GGTLC2: variants seen among roughly 807,000 people sequenced by gnomAD.
GGTLC2 encodes glutathione hydrolase light chain 2.
In GGTLC2, 13 loss-of-function variants were observed where a neutral mutation model predicts 20.2. The observed-to-expected ratio is 0.64, with a 90% CI of 0.42 to 1.02. The LOEUF (loss-of-function observed/expected upper bound fraction) is 1.02. GGTLC2 is among the 50% of genes least tolerant of loss of function. The probability of loss-of-function intolerance (pLI) is 0.00; values close to 1 mark genes in which losing one functional copy is unlikely to be tolerated. For synonymous variants in GGTLC2, 89 were observed against 125.5 expected, an observed-to-expected ratio of 0.71 and a Z score of 1.94; for missense variants, 202 against 301.3, an observed-to-expected ratio of 0.67 and a Z score of 2.44.
Position 22,646,998 on chromosome 22 carries a change from C to T in GGTLC2, c.320C>T (p.Ser107Leu), listed in dbSNP as rs146282307. ...NFIQPGKQPL[S>L]SMCPTIMVGQ... is the part of the protein sequence containing the mutation. ...TCGGCCACAGGGAAGCAGCCGCTCT[C>T]GTCAATGTGCCCGACGATCATGGTG... Residue 107 changes from serine (S) to leucine (L), a missense_variant, in exon 4 of 6, where the codon TCG (serine) becomes TTG (leucine). Ser to Leu is a moderately radical substitution (Grantham distance 145). Around this residue, in one of 4 missense-constraint regions of GGTLC2, gnomAD observed 71 missense variants for 63.0 expected, o/e 1.13. Coordinates refer to ENST00000448514, the MANE Select transcript of GGTLC2 (RefSeq NM_199127.3). 1.5e-4 allele frequency: 243 copies of T among 1,611,648 alleles called. No individual in the cohort carries two copies. Among genetic ancestry groups the T allele is most frequent in the South Asian group, 1.8e-4 (16 of 90,980 alleles).
Position 22,645,990 on chromosome 22 carries a change from G to A in GGTLC2, c.-34-322G>A, listed in dbSNP as rs372662968. On this transcript the variant is annotated intron_variant, in intron 1 of 5. Transcript: ENST00000448514. ...GTGTGTTTGTTTTTCTTGGCATGAG[G>A]GCAGGACCTAAGTGTCTGTTCCCTG... The A allele has an allele frequency of 7.8e-3, 3,401 of 437,812 alleles. 30 individuals are homozygous for A. The highest frequency in any genetic ancestry group is 0.013 in the Admixed American group (326 of 25,092). 27.1% of individuals were successfully genotyped at this position (437,812 alleles called of 1,614,324 possible).
intron 1 of GGTLC2, among the ~76,000 whole-genome samples, chr22:22,645,608 C>A (rs1398913300): frequency 6.6e-6 from 1 of 150,980 alleles, no homozygotes; most frequent in South Asian, 2.1e-4. Context: ...TTATCCTTAT[C>A]CCCGTCATAG....
chr22:22,646,641 C>T (rs1162415295), intron 2 of GGTLC2, 113 bp from the exon 3 acceptor site: 6 of 1,460,568 alleles, frequency 4.1e-6, no homozygotes, highest in Non-Finnish European at 5.6e-6. Context: ...TGAGGCCCAA[C>T]CTTGGTAGCT....
rs1287405545 is a variant in GGTLC2 at position 22,646,198 on chromosome 22, G to C, written c.-34-114G>C. On this transcript the variant is annotated intron_variant, in intron 1 of 5. Coordinates refer to ENST00000448514, the MANE Select transcript of GGTLC2 (RefSeq NM_199127.3). ...CATGCAAGATCCTGGGCCTGCCCTT[G>C]GGTCCTGGGGAGCCACGGAAGGTTG... 3 of 1,376,484 alleles carry C rather than the reference G, an allele frequency of 2.2e-6. No individual in the cohort carries two copies. In the African/African-American group the frequency reaches 4.3e-5, roughly 20 times the overall value. The allele number at this position is 1,376,484 out of a possible 1,614,324, so 85.3% of individuals were successfully genotyped here.
Position 22,646,519 on chromosome 22 carries a change from C to T in GGTLC2, c.174C>T (p.Leu58=). 1.3e-6 allele frequency: 2 copies of T among 1,558,600 alleles called. No individual in the cohort carries two copies. Among genetic ancestry groups the T allele is most frequent in the Non-Finnish European group, 1.7e-6 (2 of 1,153,804 alleles). The stretch of plus-strand genomic sequence containing the variant: ...TGTCCGCCACCAGCACCATCAACCT[C>T]TAGTAGGGGCTGCTGGGCCGCCTGG... The part of the protein sequence containing the change: ...SAVSATSTIN[L]YFGSKVRSPV... Residue 58 remains leucine (L), a splice_region_variant and synonymous_variant, in exon 2 of 6, where the codon CTC becomes CTT. Coordinates refer to ENST00000448514, the MANE Select transcript of GGTLC2 (RefSeq NM_199127.3).
rs1170691647 is a variant in GGTLC2 at position 22,647,787 on chromosome 22, C to T, written c.*46C>T. 4.0e-5 allele frequency: 64 copies of T among 1,591,808 alleles called. No homozygotes were observed. The highest frequency in any genetic ancestry group is 5.2e-5 in the Non-Finnish European group (61 of 1,168,580). Reference sequence around the variant, plus strand: ...TGACAAGCAATCCAGGGACAAGATACTCACCAGGACCAGGAAGGGGACTCT... The same window carrying T: ...TGACAAGCAATCCAGGGACAAGATATTCACCAGGACCAGGAAGGGGACTCT... On this transcript the variant is annotated 3_prime_UTR_variant, in exon 6 of 6. Transcript: ENST00000448514.
In GGTLC2 at chr22:22,646,740, T is replaced by C; in HGVS notation, c.177-14T>C. ...AGGCAAGGTCAGGTGCTGTCTGACC[T>C]GGCTGGGCGGTAGCTTTGGCTCCAA... On this transcript the variant is annotated splice_polypyrimidine_tract_variant and intron_variant, in intron 2 of 5. Transcript: ENST00000448514. 2.5e-6 allele frequency: 4 copies of C among 1,608,736 alleles called. No homozygotes were observed. Among genetic ancestry groups the C allele is most frequent in the Non-Finnish European group, 3.4e-6 (4 of 1,177,568 alleles).
chr22:22,645,440 T>C (rs2064032754), intron 1 of GGTLC2, among the ~76,000 whole-genome samples: 1 of 149,274 alleles, frequency 6.7e-6, no homozygotes, highest in African/African-American at 2.4e-5. Flanking sequence ...GCTCTTCAGG[T>C]CTGATGAAGT....
Position 22,646,987 on chromosome 22 carries a change from G to A in GGTLC2, c.309G>A (p.Lys103=), listed in dbSNP as rs758897885. ...GTCTTCTCCCATCGGCCACAGGGAA[G>A]CAGCCGCTCTCGTCAATGTGCCCGA... ...PSPANFIQPG[K]QPLSSMCPTI... The change falls in exon 4 of 6, where the codon AAG becomes AAA. Residue 103 remains lysine (K), a synonymous_variant. Coordinates refer to ENST00000448514, the MANE Select transcript of GGTLC2 (RefSeq NM_199127.3). 2 of 1,611,554 alleles carry A rather than the reference G, an allele frequency of 1.2e-6. No individual in the cohort carries two copies. Among genetic ancestry groups the A allele is most frequent in the Admixed American group, 3.3e-5 (2 of 59,984 alleles).
intron 1 of GGTLC2, among the ~76,000 whole-genome samples, chr22:22,644,994 G>A (rs11090170): frequency 0.63 from 81,464 of 129,076 alleles, 25,932 homozygotes; most frequent in East Asian, 0.75. Context: ...CCGGGTTCAC[G>A]CCATTCTCCT....
rs1330019414 is a variant in GGTLC2, at chr22:22,645,017, G to C, written c.-35+309G>C. The stretch of plus-strand genomic sequence containing the variant: ...ACGCCATTCTCCTGCCTCAGCCTCT[G>C]GAGTAGTTGGGACTACAGGCGCCCG... On this transcript the variant is annotated intron_variant, in intron 1 of 5. Transcript: ENST00000448514. 6.1e-4 allele frequency among the ~76,000 whole-genome samples: 84 copies of C among 137,226 alleles called. No homozygotes were observed. The South Asian group carries it at 0.011, about 18-fold the overall frequency. The allele number at this position is 137,226 out of a possible 152,430, so 90.0% of individuals were successfully genotyped here.
intron 1 of GGTLC2, among the ~76,000 whole-genome samples, chr22:22,645,136 C>CTGGGATTACAGGCCTCGG (rs1569285454): frequency 7.7e-5 from 1 of 12,952 alleles, no homozygotes. Flanking sequence ...TCATGATCCG[C>CTGGGATTACAGGCCTCGG]CCTCCCAAAG....
chr22:22,647,515 C>T, intron 5 of GGTLC2, 80 bp from the exon 6 acceptor site: 1 of 1,601,440 alleles, frequency 6.2e-7, no homozygotes, highest in Non-Finnish European at 8.5e-7. Flanking sequence ...ACCACCTGGG[C>T]TGAGGCCTGT....
Position 22,646,744 on chromosome 22 carries a change from T to C in GGTLC2, c.177-10T>C. 1 of 1,609,120 alleles carries C rather than the reference T, an allele frequency of 6.2e-7. No homozygotes were observed. The highest frequency in any genetic ancestry group is 8.5e-7 in the Non-Finnish European group (1 of 1,177,776). ...AAGGTCAGGTGCTGTCTGACCTGGC[T>C]GGGCGGTAGCTTTGGCTCCAAGGTC... On this transcript the variant is annotated splice_polypyrimidine_tract_variant and intron_variant, in intron 2 of 5. Transcript: ENST00000448514.
At chr22:22,647,384 G>C in intron 5 of GGTLC2, 94 bp downstream of exon 5, 1 of 1,603,672 alleles carries the variant, frequency 6.2e-7, no homozygotes, top group Non-Finnish European at 8.5e-7. Context: ...ACAATTGTTG[G>C]TGTCCTCTCT....
chr22:22,647,745 C>T lies in GGTLC2; in HGVS notation c.*4C>T, dbSNP rs1440214260. 6.3e-6 allele frequency: 10 copies of T among 1,581,698 alleles called. No homozygotes were observed. The highest frequency in any genetic ancestry group is 8.6e-6 in the Non-Finnish European group (10 of 1,163,620). Reference sequence around the variant, plus strand: ...CGGGGAGCCTGCCGGCTACTGAGTGCTCCAGGAGGACAAGGCTGACAAGCA... The same window carrying T: ...CGGGGAGCCTGCCGGCTACTGAGTGTTCCAGGAGGACAAGGCTGACAAGCA... On this transcript the variant is annotated 3_prime_UTR_variant, in exon 6 of 6. Coordinates refer to ENST00000448514, the MANE Select transcript of GGTLC2 (RefSeq NM_199127.3).
intron 1 of GGTLC2, among the ~76,000 whole-genome samples, chr22:22,645,854 A>G (rs1202873637): frequency 6.6e-6 from 1 of 150,630 alleles, no homozygotes; most frequent in Non-Finnish European, 1.5e-5. Flanking sequence ...GCCACATTCC[A>G]GGCTCTTTTC....
At chr22:22,644,830 A>C (rs1159974386) in intron 1 of GGTLC2, 122 bp downstream of exon 1, 4 of 48,364 alleles carry the variant, frequency 8.3e-5, no homozygotes, top group South Asian at 2.7e-3. Context: ...GATTGCAGTG[A>C]GCTGAGATCG....
chr22:22,645,046 C>T (rs375491915), intron 1 of GGTLC2, among the ~76,000 whole-genome samples: 6,699 of 144,906 alleles, frequency 0.046, 326 homozygotes, highest in South Asian at 0.23. Flanking sequence ...GCGCCCGCCA[C>T]CACACCCGGC....
Sources: allele counts gnomAD v4.1 joint callset (sites outside exome capture counted in the v4.1 genomes callset), GRCh38; gene constraint gnomAD v4.1.1; regional missense constraint gnomAD v4.1.1; transcripts MANE v1.5; gene names NCBI Gene and HGNC (gene_info 2026-07-23, HGNC 2026-07-21).